The following MAGEC3 variants were observed in gnomAD, a reference collection of about 807,000 sequenced individuals.
MAGEC3 encodes melanoma-associated antigen C3.
In MAGEC3, 34 loss-of-function variants were observed where a neutral mutation model predicts 35.3. The ratio of observed to expected loss-of-function variants is 0.96; its 90% CI spans 0.73 to 1.28. The LOEUF (loss-of-function observed/expected upper bound fraction) is 1.28. Ranked by LOEUF, MAGEC3 falls within the 50% of genes most tolerant of loss-of-function variation. The pLI is 0.00. For missense variants in MAGEC3, 561 were observed against 483.6 expected (o/e 1.16, Z -1.50); for synonymous variants, 202 against 185.6 (o/e 1.09, Z -0.72).
chrX:141,871,064 A>AT (rs1268645317), intron 2 of MAGEC3, among the ~76,000 whole-genome samples: 2 of 112,528 alleles, frequency 1.8e-5, no homozygotes, highest in Non-Finnish European at 3.7e-5. Flanking sequence ...AAGATGTTTG[A>AT]TTTAAGCACT....
intron 2 of MAGEC3, 36 bp from the exon 3 acceptor site, chrX:141,879,139 G>T: frequency 8.7e-7 from 1 of 1,144,410 alleles, no homozygotes; most frequent in Non-Finnish European, 1.2e-6. Flanking sequence ...CCCATGACTG[G>T]TAGTGCCCCT....
chrX:141,895,184 C>G, intron 4 of MAGEC3, 85 bp from the exon 5 acceptor site: 1 of 1,030,406 alleles, frequency 9.7e-7, no homozygotes, highest in Non-Finnish European at 1.3e-6. Flanking sequence ...GGGAAGTGGT[C>G]AGGAAAAGGT....
chrX:141,895,214 G>A, intron 4 of MAGEC3, 55 bp from the exon 5 acceptor site: 1 of 1,145,396 alleles, frequency 8.7e-7, no homozygotes, highest in Non-Finnish European at 1.2e-6. Flanking sequence ...CGGAGAGGTG[G>A]GGGGTGGTTT....
At chrX:141,872,418 C>A (rs1028074083) in intron 2 of MAGEC3, among the ~76,000 whole-genome samples, 1 of 110,953 alleles carries the variant, frequency 9.0e-6, no homozygotes, top group Non-Finnish European at 1.9e-5. Context: ...TTGTTCTAGG[C>A]ATCCCCAGAC....
In MAGEC3 at chrX:141,879,408, G is replaced by C. The variant is rs1041411867; in HGVS notation, c.492G>C (p.Arg164Ser). The change falls in exon 3 of 8, where the codon AGG becomes AGC. Residue 164 changes from arginine to serine, a missense_variant. Physicochemically the swap from Arg to Ser is moderately radical, Grantham distance 110 (BLOSUM62 -1). Coordinates refer to ENST00000298296, the MANE Select transcript of MAGEC3 (RefSeq NM_138702.1). The stretch of plus-strand genomic sequence containing the variant: ...TTCCTGCCGTCAGCCCTGGAAAAAG[G>C]TTGTGGGGGGAGAAAGCGGGGAGGT... Reference protein sequence around the residue: ...LSLPAVSPGKRLWGEKAGSLP... With the variant: ...LSLPAVSPGKSLWGEKAGSLP... The C allele has an allele frequency of 8.4e-7, 1 of 1,183,960 alleles. No homozygotes were observed.
At chrX:141,888,499 C>A (rs1415223459) in intron 4 of MAGEC3, among the ~76,000 whole-genome samples, 2 of 112,417 alleles carry the variant, frequency 1.8e-5, no homozygotes, top group Non-Finnish European at 1.9e-5. Flanking sequence ...AAAAGGTATG[C>A]AGATGGACCT....
intron 4 of MAGEC3, among the ~76,000 whole-genome samples, chrX:141,890,580 A>C (rs2018034174): frequency 8.9e-6 from 1 of 112,048 alleles, no homozygotes; most frequent in Admixed American, 9.5e-5. Context: ...CTGCCAAGAC[A>C]TCTAAAATTG....
chrX:141,845,411 G>C (rs1350988783), intron 1 of MAGEC3, among the ~76,000 whole-genome samples: 1 of 110,982 alleles, frequency 9.0e-6, no homozygotes, highest in East Asian at 2.8e-4. Flanking sequence ...TATCTTTAAA[G>C]TCTTATATGC....
At chrX:141,839,834 T>C (rs950654259) in intron 1 of MAGEC3, 28 of 533,933 alleles carry the variant, frequency 5.2e-5, no homozygotes, top group Non-Finnish European at 5.7e-5. Flanking sequence ...GTTGTCATAA[T>C]TGGTGGCAGC....
At chrX:141,864,554 T>C (rs72617976) in intron 1 of MAGEC3, among the ~76,000 whole-genome samples, 22,933 of 110,090 alleles carry the variant, frequency 0.21, 1,779 homozygotes, top group South Asian at 0.33. Flanking sequence ...TGTTCTCACT[T>C]ATAAGTAGGA....
chrX:141,838,574 G>T, intron 1 of MAGEC3, 136 bp downstream of exon 1: 1 of 1,048,827 alleles, frequency 9.5e-7, no homozygotes, highest in Non-Finnish European at 1.3e-6. Flanking sequence ...ATGCTATCTT[G>T]CCCAGCCTTG....
At chrX:141,889,205 A>G (rs1272406185) in intron 4 of MAGEC3, among the ~76,000 whole-genome samples, 1 of 111,892 alleles carries the variant, frequency 8.9e-6, no homozygotes, top group African/African-American at 3.3e-5. Context: ...CTAGGTGACA[A>G]TACTTTGCAG....
chrX:141,874,587 A>G (rs1452989698), intron 2 of MAGEC3, among the ~76,000 whole-genome samples: 1 of 111,253 alleles, frequency 9.0e-6, no homozygotes, highest in Admixed American at 9.5e-5. Context: ...GCAAATAATC[A>G]TGTAAAAAGA....
At chrX:141,840,449 A>G (rs2017679139) in intron 1 of MAGEC3, among the ~76,000 whole-genome samples, 1 of 112,320 alleles carries the variant, frequency 8.9e-6, no homozygotes, top group African/African-American at 3.2e-5. Flanking sequence ...TTTCAAAAGT[A>G]TATGATATTG....
intron 2 of MAGEC3, among the ~76,000 whole-genome samples, chrX:141,876,852 GT>G (rs1414431137): frequency 1.8e-5 from 2 of 112,060 alleles, no homozygotes; most frequent in East Asian, 5.7e-4. Flanking sequence ...GTTTATACAT[GT>G]TTTGTTGGTT....
Position 141,881,500 on chromosome X carries a change from C to T in MAGEC3, c.613C>T (p.Leu205Phe). The part of the protein sequence containing the change: ...LLLKYQAKEP[L>F]TRAEMQMNVI... Reference sequence around the variant, plus strand: ...CCTCAAATATCAAGCAAAAGAGCCTCTCACAAGAGCAGAGATGCAGATGAA... The same window carrying T: ...CCTCAAATATCAAGCAAAAGAGCCTTTCACAAGAGCAGAGATGCAGATGAA... Residue 205 changes from leucine (L) to phenylalanine (F), a missense_variant, in exon 4 of 8, where the codon CTC becomes TTC. Transcript: ENST00000298296. The T allele has an allele frequency of 8.3e-7, 1 of 1,211,540 alleles. No homozygotes were observed. Among genetic ancestry groups the T allele is most frequent in the Non-Finnish European group, 1.1e-6 (1 of 895,424 alleles).
chrX:141,895,210 G>T, intron 4 of MAGEC3, 59 bp from the exon 5 acceptor site: 4 of 1,129,643 alleles, frequency 3.5e-6, no homozygotes, highest in Non-Finnish European at 4.8e-6. Flanking sequence ...GAGGCGGAGA[G>T]GTGGGGGGTG....
intron 4 of MAGEC3, among the ~76,000 whole-genome samples, chrX:141,889,706 C>T (rs2124124009): frequency 8.9e-6 from 1 of 111,793 alleles, no homozygotes; most frequent in South Asian, 3.7e-4. Flanking sequence ...CTACAACAGC[C>T]CAATCCAGGT....
At chrX:141,840,385 A>T (rs1378643029) in intron 1 of MAGEC3, among the ~76,000 whole-genome samples, 1 of 112,433 alleles carries the variant, frequency 8.9e-6, no homozygotes, top group Non-Finnish European at 1.9e-5. Flanking sequence ...AAGAATATTG[A>T]CATAAAAGTG....
Sources: allele counts gnomAD v4.1 joint callset (sites outside exome capture counted in the v4.1 genomes callset), GRCh38; gene constraint gnomAD v4.1.1; transcripts MANE v1.5; gene names NCBI Gene and HGNC (gene_info 2026-07-23, HGNC 2026-07-21).